The following COL9A3 variants were observed in gnomAD, a reference collection of about 807,000 sequenced individuals.
COL9A3 encodes the protein collagen type IX alpha 3 chain, also known as collagen alpha-3(IX) chain.
In COL9A3, 82 loss-of-function variants were observed where a neutral mutation model predicts 110.2. The observed-to-expected ratio is 0.74, with a 90% CI of 0.62 to 0.89. The LOEUF (loss-of-function observed/expected upper bound fraction) is 0.89. COL9A3 is among the 40% of genes least tolerant of loss of function. COL9A3 has a pLI of 0.00. For synonymous variants in COL9A3, 494 were observed against 403.8 expected, an observed-to-expected ratio of 1.22 and a Z score of -2.68; for missense variants, 1,066 against 981.3, an observed-to-expected ratio of 1.09 and a Z score of -1.15.
chr20:62,821,762 G>A lies in COL9A3; in HGVS notation c.375G>A (p.Glu125=). The A allele has an allele frequency of 6.2e-7, 1 of 1,610,524 alleles. No individual in the cohort carries two copies. The highest frequency in any genetic ancestry group is 1.3e-5 in the African/African-American group (1 of 74,984). The change falls in exon 8 of 32, where the codon GAG becomes GAA. Residue 125 remains glutamate (E), a synonymous_variant. Coordinates refer to ENST00000649368, the MANE Select transcript of COL9A3 (RefSeq NM_001853.4). ...GGKGLPGPPG[E]AGVSGPPGGI... ...CTCTCTTTACTTCCCTCCAGGGAGAGGCAGGAGTGAGCGGCCCCCCAGGTG... is the reference window on the plus strand; with the variant it reads ...CTCTCTTTACTTCCCTCCAGGGAGAAGCAGGAGTGAGCGGCCCCCCAGGTG...
chr20:62,822,199 G>A lies in COL9A3; in HGVS notation c.477+35G>A, dbSNP rs2147201462. ...GGGCAGAGGCTCTAAGAAGTGCTGG[G>A]CATGGACTAGGACACTGGGTTGGAC... On this transcript the variant is annotated intron_variant, in intron 9 of 31. Coordinates refer to ENST00000649368, the MANE Select transcript of COL9A3 (RefSeq NM_001853.4). The A allele has an allele frequency of 3.2e-6, 4 of 1,241,376 alleles. No individual in the cohort carries two copies. The East Asian group carries it at 9.2e-5, about 29-fold the overall frequency. The allele number at this position is 1,241,376 out of a possible 1,614,324, so 76.9% of individuals were successfully genotyped here.
At chr20:62,819,471 A>G (rs1991049644) in intron 4 of COL9A3, among the ~76,000 whole-genome samples, 178 bp downstream of exon 4, 1 of 152,230 alleles carries the variant, frequency 6.6e-6, no homozygotes. Context: ...CGCCACCAGC[A>G]TCTGGCAGGG....
At chr20:62,823,202 G>GC (rs2063524592) in intron 10 of COL9A3, among the ~76,000 whole-genome samples, 1 of 152,204 alleles carries the variant, frequency 6.6e-6, no homozygotes, top group Admixed American at 6.5e-5. Context: ...GCCAGACGTG[G>GC]TGGCGTGCCT....
intron 26 of COL9A3, among the ~76,000 whole-genome samples, chr20:62,834,875 G>GT (rs1453291444): frequency 6.6e-6 from 1 of 152,190 alleles, no homozygotes; most frequent in African/African-American, 2.4e-5. Flanking sequence ...TCCTGACCTT[G>GT]TGATCCGCTC....
At chr20:62,840,364 C>T (rs1168781539) in intron 31 of COL9A3, among the ~76,000 whole-genome samples, 178 bp from the exon 32 acceptor site, 1 of 148,466 alleles carries the variant, frequency 6.7e-6, no homozygotes, top group South Asian at 2.1e-4. Flanking sequence ...ACACTCCCGA[C>T]CGCCAGCCCC....
intron 29 of COL9A3, 134 bp from the exon 30 acceptor site, chr20:62,836,949 T>G: frequency 8.3e-7 from 1 of 1,197,618 alleles, no homozygotes; most frequent in Non-Finnish European, 1.2e-6. Context: ...CCAAAGCAGT[T>G]AAACCATTTT....
intron 9 of COL9A3, 118 bp from the exon 10 acceptor site, chr20:62,822,473 T>TC (rs1366396089): frequency 4.9e-6 from 5 of 1,029,964 alleles, no homozygotes; most frequent in Non-Finnish European, 2.8e-6. Flanking sequence ...ATGAAGGGTC[T>TC]CCAAGTCCCC....
intron 26 of COL9A3, among the ~76,000 whole-genome samples, chr20:62,835,036 C>T (rs1026456227): frequency 5.3e-5 from 8 of 152,264 alleles, no homozygotes; most frequent in African/African-American, 1.9e-4. Context: ...AGGGGCAGAG[C>T]CCCTTGCAGG....
Position 62,840,610 on chromosome 20 carries a change from G to A in COL9A3, c.1933G>A (p.Gly645Arg), listed in dbSNP as rs1357967842. 16 of 1,613,198 alleles carry A rather than the reference G, an allele frequency of 9.9e-6. No homozygotes were observed. Among genetic ancestry groups the A allele is most frequent in the South Asian group, 2.2e-5 (2 of 91,020 alleles). ...TGCTCCCGGCGAGCCTGGGCCTCCC[G>A]GAGATCCTGGGCTTCCAGGTGCCAT... ...DGAPGEPGPP[G>R]DPGLPGAIGA... The change falls in exon 32 of 32, where the codon GGA becomes AGA. Residue 645 changes from glycine (G) to arginine (R), a missense_variant. By Grantham distance (125) the Gly-to-Arg change is moderately radical. Coordinates refer to ENST00000649368, the MANE Select transcript of COL9A3 (RefSeq NM_001853.4).
Position 62,819,394 on chromosome 20 carries a change from G to A in COL9A3, c.255+101G>A, listed in dbSNP as rs145492330. 438 of 1,157,972 alleles carry A rather than the reference G, an allele frequency of 3.8e-4. 2 individuals are homozygous for A. The East Asian group carries it at 0.01, about 27-fold the overall frequency. The allele number at this position is 1,157,972 out of a possible 1,614,324, so 71.7% of individuals were successfully genotyped here. ...GTTGTCCAGCTGGGCCTGCTCAGGCGGGAAGCCCAGTCCTGAGAGAAGTCT... is the reference window on the plus strand; with the variant it reads ...GTTGTCCAGCTGGGCCTGCTCAGGCAGGAAGCCCAGTCCTGAGAGAAGTCT... On this transcript the variant is annotated intron_variant, in intron 4 of 31. Coordinates refer to ENST00000649368, the MANE Select transcript of COL9A3 (RefSeq NM_001853.4).
chr20:62,832,318 G>T, intron 25 of COL9A3, 129 bp downstream of exon 25: 1 of 911,526 alleles, frequency 1.1e-6, no homozygotes, highest in Non-Finnish European at 1.7e-6. Context: ...TCCTCTTGCC[G>T]TGTCTGTCAG....
chr20:62,833,102 G>T (rs1230298136), intron 26 of COL9A3, 38 bp downstream of exon 26: 1 of 1,563,518 alleles, frequency 6.4e-7, no homozygotes, highest in East Asian at 2.2e-5. Flanking sequence ...CCAACAGCTG[G>T]GAGCGAGGTC....
rs777539454 is a variant in COL9A3 at position 62,829,812 on chromosome 20, G to A, written c.1154G>A (p.Gly385Asp). 1.3e-6 allele frequency: 2 copies of A among 1,571,332 alleles called. No individual in the cohort carries two copies. The highest frequency in any genetic ancestry group is 1.7e-6 in the Non-Finnish European group (2 of 1,159,276). Reference sequence around the variant, plus strand: ...GAGCGCGGTGAGGCTGGCCACCGGGGCTCAGCGGTGAGTGCAGGGACATGG... The same window carrying A: ...GAGCGCGGTGAGGCTGGCCACCGGGACTCAGCGGTGAGTGCAGGGACATGG... ...PGERGEAGHR[G>D]SAGALGPQGP... Residue 385 changes from glycine (G) to aspartate (D), a missense_variant, in exon 22 of 32, where the codon GGC (glycine) becomes GAC (aspartate). Physicochemically the swap from Gly to Asp is moderately conservative, Grantham distance 94. Transcript: ENST00000649368.
chr20:62,826,242 G>A lies in COL9A3; in HGVS notation c.723G>A (p.Gly241=). The A allele has an allele frequency of 6.4e-7, 1 of 1,554,918 alleles. No individual in the cohort carries two copies. The highest frequency in any genetic ancestry group is 1.2e-5 in the South Asian group (1 of 84,508). The change falls in exon 14 of 32, where the codon GGG becomes GGA. Residue 241 remains glycine (G), a synonymous_variant. Transcript: ENST00000649368. Reference sequence around the variant, plus strand: ...TACGAGGACTGCCAGGGCCACTCGGGCCCCCTGGGGACCGGGTAAGTCCTG... The same window carrying A: ...TACGAGGACTGCCAGGGCCACTCGGACCCCCTGGGGACCGGGTAAGTCCTG... ...RGLRGLPGPL[G]PPGDRGPIGF...
intron 28 of COL9A3, 37 bp downstream of exon 28, chr20:62,836,370 G>A (rs2063636016): frequency 6.2e-7 from 1 of 1,613,938 alleles, no homozygotes; most frequent in Non-Finnish European, 8.5e-7. Flanking sequence ...CTTTCACAGG[G>A]TTGAGATCGT....
chr20:62,830,968 C>T lies in COL9A3; in HGVS notation c.1287+380C>T, dbSNP rs147654248. Reference sequence around the variant, plus strand: ...GGTGTTCCTTGTGGGTGGGAGGCTGCGGGAGCCTGGGCCGCTCTGCCTCCT... The same window carrying T: ...GGTGTTCCTTGTGGGTGGGAGGCTGTGGGAGCCTGGGCCGCTCTGCCTCCT... On this transcript the variant is annotated intron_variant, in intron 24 of 31. Transcript: ENST00000649368. 8.3e-3 allele frequency among the ~76,000 whole-genome samples: 1,265 copies of T among 151,540 alleles called. 22 individuals carry two copies. Among genetic ancestry groups the T allele is most frequent in the African/African-American group, 0.03 (1,218 of 41,282 alleles).
At chr20:62,829,879 C>T in intron 22 of COL9A3, 60 bp downstream of exon 22, 1 of 1,526,962 alleles carries the variant, frequency 6.5e-7, no homozygotes, top group Non-Finnish European at 8.8e-7. Flanking sequence ...GCACATGGCC[C>T]CAGTTTCTGA....
intron 5 of COL9A3, 52 bp from the exon 6 acceptor site, chr20:62,821,129 G>C (rs577471169): frequency 6.3e-7 from 1 of 1,592,118 alleles, no homozygotes; most frequent in South Asian, 1.1e-5. Flanking sequence ...GAGGGGATTG[G>C]GTTTGCAAAT....
chr20:62,839,417 C>T (rs1053018498), intron 31 of COL9A3, among the ~76,000 whole-genome samples: 2 of 152,222 alleles, frequency 1.3e-5, no homozygotes, highest in Admixed American at 6.5e-5. Flanking sequence ...TGCTTTGTCA[C>T]GGAGGGAGGC....
Sources: allele counts gnomAD v4.1 joint callset (sites outside exome capture counted in the v4.1 genomes callset), GRCh38; gene constraint gnomAD v4.1.1; transcripts MANE v1.5; gene names NCBI Gene and HGNC (gene_info 2026-07-23, HGNC 2026-07-21).